Variants in XKR9 observed in about 807,000 individuals in gnomAD.
The protein encoded by XKR9 is XK-related protein 9.
A neutral mutation model predicts 32.0 loss-of-function variants in XKR9; 32 were observed. The ratio of observed to expected loss-of-function variants is 1.00; its 90% CI spans 0.76 to 1.34. The LOEUF (loss-of-function observed/expected upper bound fraction) is 1.34. XKR9 is among the 40% of genes most tolerant of loss of function. The pLI is 0.00. For missense variants in XKR9, 546 were observed against 429.7 expected, an observed-to-expected ratio of 1.27 and a Z score of -2.39; for synonymous variants, 168 against 143.4, an observed-to-expected ratio of 1.17 and a Z score of -1.22.
chr8:70,817,653 G>T, the XKR9 span, among the ~76,000 whole-genome samples: 7 of 152,018 alleles, frequency 4.6e-5, no homozygotes, highest in Admixed American at 2.0e-4. Context: ...CCCCCAAAAA[G>T]CCCCAGTAGC....
At chr8:70,830,711 A>G in the XKR9 span, among the ~76,000 whole-genome samples, 3 of 152,258 alleles carry the variant, frequency 2.0e-5, no homozygotes, top group African/African-American at 4.8e-5. Flanking sequence ...ATAGCATACT[A>G]TAGTTTACAA....
At chr8:70,813,867 T>C in the XKR9 span, among the ~76,000 whole-genome samples, 3 of 152,300 alleles carry the variant, frequency 2.0e-5, no homozygotes, top group African/African-American at 7.2e-5. Context: ...AGTTCAACCA[T>C]TGTGGAAGTC....
intron 2 of XKR9, among the ~76,000 whole-genome samples, chr8:70,760,902 C>T (rs1807299940): frequency 6.6e-6 from 1 of 152,112 alleles, no homozygotes; most frequent in Non-Finnish European, 1.5e-5. Flanking sequence ...GTGCATTGTT[C>T]CCCCTATGTG....
chr8:70,941,070 A>G, the XKR9 span, among the ~76,000 whole-genome samples: 2 of 152,216 alleles, frequency 1.3e-5, no homozygotes, highest in Admixed American at 1.3e-4. Context: ...TACTACCACC[A>G]TCTAGTTCCA....
chr8:70,691,710 G>A lies in XKR9; in HGVS notation c.272+10380G>A, dbSNP rs191666901. Among the ~76,000 whole-genome samples, 397 of 152,170 alleles carry A rather than the reference G, an allele frequency of 2.6e-3. 1 individual carries two copies. The highest frequency in any genetic ancestry group is 9.0e-3 in the African/African-American group (372 of 41,522). On this transcript the variant is annotated intron_variant, in intron 3 of 4. Coordinates refer to ENST00000408926, the MANE Select transcript of XKR9 (RefSeq NM_001011720.2). ...GCTTGTTTTTGTCAGCTTTGTCAAC[G>A]ATCAGATAGTCAAAGATATGTGGCC...
chr8:70,920,452 G>T, the XKR9 span, among the ~76,000 whole-genome samples: 1 of 151,468 alleles, frequency 6.6e-6, no homozygotes, highest in Non-Finnish European at 1.5e-5. Context: ...ATTTTTAAAA[G>T]AAATAGTAAT....
At chr8:70,864,752 A>G in the XKR9 span, among the ~76,000 whole-genome samples, 1 of 152,018 alleles carries the variant, frequency 6.6e-6, no homozygotes, top group African/African-American at 2.4e-5. Context: ...TGTTTATGGA[A>G]CCGTTTGCTG....
the XKR9 span, among the ~76,000 whole-genome samples, chr8:70,856,277 AG>A: frequency 1.3e-5 from 2 of 152,228 alleles, no homozygotes; most frequent in Non-Finnish European, 2.9e-5. Flanking sequence ...AAAGGGATGA[AG>A]GAAGATCTAC....
At chr8:70,760,202 TA>T (rs1371902693) in intron 2 of XKR9, among the ~76,000 whole-genome samples, 1 of 152,228 alleles carries the variant, frequency 6.6e-6, no homozygotes, top group East Asian at 1.9e-4. Context: ...TTATTCAGTT[TA>T]CTCGTAAGTA....
chr8:70,731,416 G>A (rs191278477), intron 4 of XKR9, among the ~76,000 whole-genome samples: 188 of 152,114 alleles, frequency 1.2e-3, no homozygotes, highest in African/African-American at 4.4e-3. Flanking sequence ...TGCTTGATGT[G>A]CCATAGCTGT....
At chr8:70,853,493 A>T in the XKR9 span, among the ~76,000 whole-genome samples, 1 of 151,900 alleles carries the variant, frequency 6.6e-6, no homozygotes, top group African/African-American at 2.4e-5. Flanking sequence ...TCTACCATGT[A>T]CTCATAAAAA....
At position 70,744,452 on chromosome 8, in the gene XKR9, A is replaced by T. The variant is rs936425523; in HGVS notation, n.352+37299A>T. Reference sequence around the variant, plus strand: ...TTATCATCACTACCCTTTAACTGGGAGAACCAAGGCTCATAGAGTTTAAGT... The same window carrying T: ...TTATCATCACTACCCTTTAACTGGGTGAACCAAGGCTCATAGAGTTTAAGT... On this transcript the variant is annotated intron_variant and non_coding_transcript_variant, in intron 2 of 3. Transcript: ENST00000520273. 3.9e-5 allele frequency among the ~76,000 whole-genome samples: 6 copies of T among 152,322 alleles called. No homozygotes were observed. The East Asian group carries it at 9.6e-4, about 24-fold the overall frequency.
At chr8:70,979,864 G>T in the XKR9 span, among the ~76,000 whole-genome samples, 1 of 152,230 alleles carries the variant, frequency 6.6e-6, no homozygotes, top group Non-Finnish European at 1.5e-5. Context: ...TACCCCCAAA[G>T]GTGGAGTCTA....
the XKR9 span, among the ~76,000 whole-genome samples, chr8:71,029,051 G>A: frequency 4.6e-5 from 7 of 152,164 alleles, no homozygotes; most frequent in African/African-American, 9.6e-5. Context: ...CTCCAGGTCC[G>A]TTGTCTTCCT....
At chr8:70,868,250 T>A in the XKR9 span, among the ~76,000 whole-genome samples, 7 of 152,154 alleles carry the variant, frequency 4.6e-5, no homozygotes, top group African/African-American at 1.7e-4. Flanking sequence ...CACTAGGTGG[T>A]TCCCCAGTTG....
the XKR9 span, among the ~76,000 whole-genome samples, chr8:70,856,579 A>T: frequency 6.6e-6 from 1 of 152,208 alleles, no homozygotes; most frequent in East Asian, 1.9e-4. Flanking sequence ...CAGAAAGTTA[A>T]CAAAGATATC....
the XKR9 span, among the ~76,000 whole-genome samples, chr8:70,856,203 AC>A: frequency 6.6e-6 from 1 of 152,184 alleles, no homozygotes; most frequent in Non-Finnish European, 1.5e-5. Flanking sequence ...AAGAGTGAAG[AC>A]CCATCAGTGT....
the XKR9 span, among the ~76,000 whole-genome samples, chr8:70,856,297 T>C: frequency 2.0e-5 from 3 of 151,786 alleles, no homozygotes; most frequent in Admixed American, 2.0e-4. Context: ...ACCAAGCAAA[T>C]GGAAAACAAA....
chr8:71,018,661 TG>T, the XKR9 span, among the ~76,000 whole-genome samples: 1 of 152,142 alleles, frequency 6.6e-6, no homozygotes, highest in Non-Finnish European at 1.5e-5. Context: ...GTTTGAAGAA[TG>T]AGCAGAGCTG....
Sources: allele counts gnomAD v4.1 joint callset (sites outside exome capture counted in the v4.1 genomes callset), GRCh38; gene constraint gnomAD v4.1.1; transcripts MANE v1.5; gene names NCBI Gene and HGNC (gene_info 2026-07-23, HGNC 2026-07-21).